Variants in NCOR2 observed in about 807,000 individuals in gnomAD.
The protein encoded by NCOR2 is CTG repeat protein 26.
Under a neutral mutation model 262.9 loss-of-function variants are expected in NCOR2, and 81 were observed. The observed-to-expected ratio is 0.31, with a 90% CI of 0.26 to 0.37. The LOEUF is 0.37. Ranked by LOEUF, NCOR2 falls within the 10% of genes least tolerant of loss-of-function variation. The pLI is 1.00. For synonymous variants in NCOR2, 1,659 were observed against 1,559.3 expected (o/e 1.06, Z -1.51); for missense variants, 3,385 against 3,621.4 (o/e 0.93, Z 1.68).
At chr12:124,382,502 G>A (rs1158783218) in intron 17 of NCOR2, among the ~76,000 whole-genome samples, 3 of 152,176 alleles carry the variant, frequency 2.0e-5, no homozygotes, top group African/African-American at 7.2e-5. Flanking sequence ...GGGACAGAAG[G>A]GCCACCTTCT....
intron 1 of NCOR2, among the ~76,000 whole-genome samples, chr12:124,540,772 C>A (rs187082193): frequency 6.6e-3 from 1 of 152 alleles, no homozygotes; most frequent in African/African-American, 0.042. Context: ...GGGTGGAGAG[C>A]TGGAGGGGGA....
Position 124,429,713 on chromosome 12 carries a change from A to G in NCOR2, c.1056-7T>C. On this transcript the variant is annotated splice_polypyrimidine_tract_variant and splice_region_variant and intron_variant, in intron 9 of 46. Coordinates refer to ENST00000405201, the Ensembl canonical transcript of NCOR2. ...GCCCCGCTGGCCCACCCTGCTGGGGACCAAGGGGACACACTCAGGACCGGT... is the reference window on the plus strand; with the variant it reads ...GCCCCGCTGGCCCACCCTGCTGGGGGCCAAGGGGACACACTCAGGACCGGT... 6.3e-7 allele frequency: 1 copy of G among 1,594,660 alleles called. No homozygotes were observed. Among genetic ancestry groups the G allele is most frequent in the East Asian group, 2.3e-5 (1 of 44,094 alleles).
chr12:124,346,721 G>C (rs2135860150), exon 31 of NCOR2: 1 of 1,564,542 alleles, frequency 6.4e-7, no homozygotes, highest in East Asian at 2.3e-5. Context: ...GGGGCCCAGG[G>C]CCTGCGTCTT....
rs543229016 is a variant in NCOR2 at position 124,393,417 on chromosome 12, T to C, written c.1876+4702A>G. On this transcript the variant is annotated intron_variant, in intron 16 of 46. Coordinates refer to ENST00000405201, the Ensembl canonical transcript of NCOR2. The stretch of plus-strand genomic sequence containing the variant: ...GCTCACTTGCCCACCAGAAACCCTA[T>C]GGCCATCATGTCCCCAGCCCCTCCC... Among the ~76,000 whole-genome samples the C allele has an allele frequency of 8.5e-5, 13 of 152,296 alleles. 1 individual carries two copies. The East Asian group carries it at 1.7e-3, about 20-fold the overall frequency.
chr12:124,534,942 G>T (rs1455558111), intron 1 of NCOR2, among the ~76,000 whole-genome samples: 1 of 152,230 alleles, frequency 6.6e-6, no homozygotes, highest in Admixed American at 6.5e-5. Flanking sequence ...CTCTCTATGA[G>T]CATTAATCAC....
chr12:124,383,534 A>C (rs1593303117), intron 17 of NCOR2: 5 of 200,506 alleles, frequency 2.5e-5, no homozygotes, highest in Non-Finnish European at 3.0e-5. Flanking sequence ...CTTCCAACTC[A>C]AAAAAAAAAA....
At chr12:124,402,745 G>A (rs1291510642) in intron 13 of NCOR2, among the ~76,000 whole-genome samples, 184 bp from the exon 16 acceptor site, 3 of 152,142 alleles carry the variant, frequency 2.0e-5, no homozygotes, top group East Asian at 3.9e-4. Flanking sequence ...GGAGAGGCAC[G>A]GCCTGGGGTC....
At chr12:124,466,093 G>A (rs2046402503) in intron 5 of NCOR2, 80 bp downstream of exon 7, 1 of 1,335,390 alleles carries the variant, frequency 7.5e-7, no homozygotes, top group Non-Finnish European at 1.0e-6. Context: ...TGGAAACACT[G>A]AGGCCTGATT....
chr12:124,479,337 A>T (rs1342736593), intron 3 of NCOR2, among the ~76,000 whole-genome samples: 1 of 150,744 alleles, frequency 6.6e-6, no homozygotes, highest in African/African-American at 2.5e-5. Flanking sequence ...TGCGCACACA[A>T]ACACACATAC....
rs780287031 is a variant in NCOR2, at chr12:124,457,139, C to T, written c.729G>A (p.Arg243=). The T allele has an allele frequency of 3.0e-6, 4 of 1,350,814 alleles. No individual in the cohort carries two copies. In the South Asian group the frequency reaches 5.2e-5, roughly 17 times the overall value. The allele number at this position is 1,350,814 out of a possible 1,614,324, so 83.7% of individuals were successfully genotyped here. Residue 243 remains arginine (R), a synonymous_variant, in exon 6 of 47, where the codon CGG becomes CGA. Coordinates refer to ENST00000405201, the Ensembl canonical transcript of NCOR2. The surrounding 1 kb of genome is among the most constrained non-coding windows in gnomAD (Gnocchi z 4.0). ...CCTGGGGCCCCAGGCCTTCCAGAAT[C>T]CGATGTGCAGCTTCAGCCTTCTTCT...
exon 29 of NCOR2, chr12:124,348,256 G>C (rs764949752): frequency 3.7e-6 from 6 of 1,613,180 alleles, no homozygotes; most frequent in Admixed American, 1.7e-5. Context: ...CCGTCTCATG[G>C]GGGGGTCCTG....
rs1372001604 is a variant in NCOR2, at chr12:124,483,687, C to G, written c.320G>C (p.Arg107Pro). The G allele has an allele frequency of 6.2e-7, 1 of 1,611,732 alleles. No individual in the cohort carries two copies. Among genetic ancestry groups the G allele is most frequent in the East Asian group, 2.2e-5 (1 of 44,810 alleles). Residue 107 changes from arginine (R) to proline (P), a missense_variant, in exon 3 of 47, where the codon CGC (arginine) becomes CCC (proline). By Grantham distance (103) the Arg-to-Pro change is moderately radical (BLOSUM62 -2). Coordinates refer to ENST00000405201, the Ensembl canonical transcript of NCOR2. This position sits in a 1 kb window ranked among gnomAD's most constrained non-coding sequence, Gnocchi z 6.3. ...GTCAGGCAGCAGCTCTAGCCGAGGG[C>G]GCTTGCTTTCAATGAACTCCATCTC...
chr12:124,545,277 CA>C (rs2051504990), intron 1 of NCOR2, among the ~76,000 whole-genome samples: 1 of 152,200 alleles, frequency 6.6e-6, no homozygotes, highest in Non-Finnish European at 1.5e-5. Flanking sequence ...CCCACCTCCG[CA>C]GCAGGCCCAG....
intron 44 of NCOR2, among the ~76,000 whole-genome samples, chr12:124,328,019 T>G (rs1593064005): frequency 6.9e-6 from 1 of 144,398 alleles, no homozygotes; most frequent in Non-Finnish European, 1.5e-5. Flanking sequence ...GTTTTGTTTG[T>G]TTTTTTTTTA....
chr12:124,452,425 C>A (rs1190136492), intron 6 of NCOR2, among the ~76,000 whole-genome samples: 1 of 152,242 alleles, frequency 6.6e-6, no homozygotes, highest in Non-Finnish European at 1.5e-5. Flanking sequence ...TCCTCCCTCA[C>A]TAGCTGTGAG....
chr12:124,498,597 G>T (rs2048503975), upstream of NCOR2, among the ~76,000 whole-genome samples: 1 of 152,176 alleles, frequency 6.6e-6, no homozygotes, highest in Non-Finnish European at 1.5e-5. Flanking sequence ...AAATGTTAGG[G>T]AAACGGTTTG....
chr12:124,561,351 T>C (rs911916392), intron 1 of NCOR2, among the ~76,000 whole-genome samples: 3 of 152,092 alleles, frequency 2.0e-5, no homozygotes, highest in South Asian at 2.1e-4. Context: ...CCCCCGGTTG[T>C]GGCACTGGCC....
intron 41 of NCOR2, among the ~76,000 whole-genome samples, chr12:124,333,835 T>G (rs1214042063): frequency 1.3e-5 from 2 of 150,218 alleles, no homozygotes; most frequent in Non-Finnish European, 1.5e-5. Context: ...GGTGTGCGGG[T>G]GCGCCTGTGT....
At chr12:124,366,482 T>C (rs553548048) in intron 20 of NCOR2, among the ~76,000 whole-genome samples, 4 of 152,108 alleles carry the variant, frequency 2.6e-5, no homozygotes, top group Non-Finnish European at 5.9e-5. Context: ...TCTTTCTTAG[T>C]ATAACACTGA....
Sources: allele counts gnomAD v4.1 joint callset (sites outside exome capture counted in the v4.1 genomes callset), GRCh38; gene constraint gnomAD v4.1.1; non-coding constraint Gnocchi (gnomAD v3.1); transcripts MANE v1.5; gene names NCBI Gene and HGNC (gene_info 2026-07-23, HGNC 2026-07-21).